The following CORO2A variants were observed in gnomAD, a reference collection of about 807,000 sequenced individuals.
CORO2A encodes coronin 2A, also known as coronin-2A.
In CORO2A, 47 loss-of-function variants were observed where a neutral mutation model predicts 62.4. The observed-to-expected ratio is 0.75, with a 90% CI of 0.60 to 0.96. The LOEUF is 0.96. CORO2A is among the 40% of genes least tolerant of loss of function. CORO2A has a pLI of 0.00. For synonymous variants in CORO2A, 273 were observed against 268.9 expected, an observed-to-expected ratio of 1.02 and a Z score of -0.15; for missense variants, 610 against 684.1, an observed-to-expected ratio of 0.89 and a Z score of 1.21.
chr9:98,179,248 C>T (rs1051367699), intron 1 of CORO2A, among the ~76,000 whole-genome samples: 12 of 152,172 alleles, frequency 7.9e-5, no homozygotes, highest in South Asian at 4.1e-4. Context: ...GATCTGGGAC[C>T]GCTAGAGCAT....
In CORO2A at chr9:98,122,679, C is replaced by T. The variant is rs866650275; in HGVS notation, c.*2095G>A. The stretch of plus-strand genomic sequence containing the variant: ...TCGTATAGTCATTTCAGAAGACCTC[C>T]TGGTTAGGTGGCCAGAGGCTCTGCT... On this transcript the variant is annotated 3_prime_UTR_variant, in exon 12 of 12. Transcript: ENST00000375077. The T allele has an allele frequency of 1.8e-4, 28 of 152,200 alleles. No individual in the cohort carries two copies. Among genetic ancestry groups the T allele is most frequent in the African/African-American group, 6.0e-4 (25 of 41,448 alleles). The allele number at this position is 152,200 out of a possible 1,614,324, so 9.4% of individuals were successfully genotyped here.
intron 1 of CORO2A, among the ~76,000 whole-genome samples, chr9:98,161,635 C>T (rs1430937007): frequency 1.3e-5 from 2 of 152,002 alleles, no homozygotes; most frequent in African/African-American, 4.8e-5. Flanking sequence ...CCTCTGATTC[C>T]TGAGCAGAGG....
chr9:98,134,960 C>G lies in CORO2A; in HGVS notation c.319-5G>C. 4.3e-6 allele frequency: 7 copies of G among 1,613,384 alleles called. No individual in the cohort carries two copies. Among genetic ancestry groups the G allele is most frequent in the Non-Finnish European group, 5.9e-6 (7 of 1,179,666 alleles). Reference sequence around the variant, plus strand: ...GGGGATGCTCCAGATCTTAATCTGGCAGGGGAGACAGGGCCCAAGGCAGCA... The same window carrying G: ...GGGGATGCTCCAGATCTTAATCTGGGAGGGGAGACAGGGCCCAAGGCAGCA... On this transcript the variant is annotated splice_polypyrimidine_tract_variant and splice_region_variant and intron_variant, in intron 3 of 11. Coordinates refer to ENST00000375077, the MANE Select transcript of CORO2A (RefSeq NM_052820.4).
chr9:98,129,469 T>G (rs1279138972), intron 8 of CORO2A, among the ~76,000 whole-genome samples: 1 of 152,226 alleles, frequency 6.6e-6, no homozygotes, highest in African/African-American at 2.4e-5. Context: ...CTCTTCTAGG[T>G]CAGCCCTTTC....
chr9:98,156,932 C>A (rs1201323538), intron 2 of CORO2A, among the ~76,000 whole-genome samples: 4 of 152,180 alleles, frequency 2.6e-5, no homozygotes, highest in Admixed American at 2.0e-4. Context: ...CTGAATGGAA[C>A]TACTATTAGG....
intron 1 of CORO2A, among the ~76,000 whole-genome samples, chr9:98,159,112 T>C (rs1827847992): frequency 6.7e-6 from 1 of 148,370 alleles, no homozygotes; most frequent in Non-Finnish European, 1.5e-5. Context: ...CAGGCTGGAG[T>C]GCAGTGGTGT....
chr9:98,139,045 CA>C (rs60779052), intron 2 of CORO2A, among the ~76,000 whole-genome samples: 40,528 of 103,188 alleles, frequency 0.39, 5,517 homozygotes, highest in Admixed American at 0.46. Flanking sequence ...GATTCTGTCT[CA>C]AAAAAAAAAA....
intron 1 of CORO2A, among the ~76,000 whole-genome samples, chr9:98,160,975 A>G (rs910999065): frequency 1.3e-5 from 2 of 152,218 alleles, no homozygotes; most frequent in African/African-American, 4.8e-5. Context: ...CAGATGGTGC[A>G]TCTATAAGGT....
intron 2 of CORO2A, among the ~76,000 whole-genome samples, chr9:98,150,971 CCTT>C (rs1329903474): frequency 2.0e-5 from 3 of 152,298 alleles, no homozygotes; most frequent in Admixed American, 6.5e-5. Flanking sequence ...AGGGTACTTC[CCTT>C]CTTCTCCTTC....
chr9:98,157,486 C>T lies in CORO2A; in HGVS notation c.175G>A (p.Ala59Thr), dbSNP rs755176659. ...TGGTGCAGGGGGATGACGAGGAAGGCCCCTCCACCAGCACACTCAGTCACA... is the reference window on the plus strand; with the variant it reads ...TGGTGCAGGGGGATGACGAGGAAGGTCCCTCCACCAGCACACTCAGTCACA... ...AVVTECAGGGAFLVIPLHQTG... is the reference protein window; with the variant it reads ...AVVTECAGGGTFLVIPLHQTG... Residue 59 changes from alanine (A) to threonine (T), a missense_variant, in exon 2 of 12, where the codon GCC (alanine) becomes ACC (threonine). Physicochemically the swap from Ala to Thr is moderately conservative, Grantham distance 58. Coordinates refer to ENST00000375077, the MANE Select transcript of CORO2A (RefSeq NM_052820.4). 13 of 1,614,072 alleles carry T rather than the reference C, an allele frequency of 8.1e-6. No individual in the cohort carries two copies. The South Asian group carries it at 1.4e-4, about 18-fold the overall frequency.
chr9:98,121,821 T>G lies in CORO2A; in HGVS notation c.*2953A>C, dbSNP rs908098637. 7.2e-5 allele frequency: 11 copies of G among 152,246 alleles called. No individual in the cohort carries two copies. Among genetic ancestry groups the G allele is most frequent in the Admixed American group, 1.3e-4 (2 of 15,272 alleles). The allele number at this position is 152,246 out of a possible 1,614,324, so 9.4% of individuals were successfully genotyped here. A position where few individuals can be genotyped will look rare whatever the true frequency, so the allele number is the denominator to read the frequency against. ...TGGGAGGAATTTGTAAACTGTGAAG[T>G]GCTAGCCACACAGGTGGGAAAGGTA... On this transcript the variant is annotated 3_prime_UTR_variant, in exon 12 of 12. Transcript: ENST00000375077.
intron 1 of CORO2A, among the ~76,000 whole-genome samples, chr9:98,166,560 T>G (rs1465745981): frequency 6.6e-6 from 1 of 152,162 alleles, no homozygotes; most frequent in Non-Finnish European, 1.5e-5. Context: ...TTTAGTGCAC[T>G]GTTGGTAGGA....
At chr9:98,165,863 C>T (rs1827952352) in intron 1 of CORO2A, among the ~76,000 whole-genome samples, 1 of 152,236 alleles carries the variant, frequency 6.6e-6, no homozygotes, top group African/African-American at 2.4e-5. Flanking sequence ...CCCAGACCTA[C>T]TGAATCAGGT....
chr9:98,181,995 G>C (rs538586907), intron 1 of CORO2A, among the ~76,000 whole-genome samples: 1 of 152,028 alleles, frequency 6.6e-6, no homozygotes, highest in Non-Finnish European at 1.5e-5. Flanking sequence ...TTCCTTGACC[G>C]GCACCATCTG....
intron 2 of CORO2A, among the ~76,000 whole-genome samples, chr9:98,152,822 T>C (rs1827745181): frequency 6.6e-6 from 1 of 152,138 alleles, no homozygotes; most frequent in South Asian, 2.1e-4. Flanking sequence ...ACAACTGACC[T>C]TTACTCCTGA....
chr9:98,145,679 A>G (rs1827635401), intron 2 of CORO2A, among the ~76,000 whole-genome samples: 1 of 152,190 alleles, frequency 6.6e-6, no homozygotes, highest in South Asian at 2.1e-4. Flanking sequence ...GTGGACACAC[A>G]TCGGCTTGAG....
At chr9:98,173,642 C>G (rs147556232) in intron 1 of CORO2A, among the ~76,000 whole-genome samples, 3 of 152,282 alleles carry the variant, frequency 2.0e-5, no homozygotes, top group Admixed American at 1.3e-4. Flanking sequence ...GCTCCACAGC[C>G]GGAACAAAAT....
At chr9:98,175,245 T>C (rs916616278) in intron 1 of CORO2A, among the ~76,000 whole-genome samples, 1 of 151,944 alleles carries the variant, frequency 6.6e-6, no homozygotes, top group South Asian at 2.1e-4. Context: ...CTCGGTAGGG[T>C]GGGGAGGCCT....
At chr9:98,158,487 C>T (rs981193606) in intron 1 of CORO2A, among the ~76,000 whole-genome samples, 6 of 152,198 alleles carry the variant, frequency 3.9e-5, no homozygotes, top group Middle Eastern at 3.4e-3. Context: ...CAATATTTAC[C>T]GAGCATCACT....
Sources: allele counts gnomAD v4.1 joint callset (sites outside exome capture counted in the v4.1 genomes callset), GRCh38; gene constraint gnomAD v4.1.1; transcripts MANE v1.5; gene names NCBI Gene and HGNC (gene_info 2026-07-23, HGNC 2026-07-21).